The following CCDC191 variants were observed in gnomAD, a reference collection of about 807,000 sequenced individuals.
CCDC191 encodes coiled-coil domain containing 191, also known as coiled-coil domain-containing protein 191.
A neutral mutation model predicts 114.0 loss-of-function variants in CCDC191; 99 were observed. The ratio of observed to expected loss-of-function variants is 0.87; its 90% CI spans 0.74 to 1.03. The LOEUF (loss-of-function observed/expected upper bound fraction) is 1.03. CCDC191 is among the 50% of genes least tolerant of loss of function. The pLI, the probability that CCDC191 is intolerant of heterozygous loss-of-function variation, is 0.00. For missense variants in CCDC191, 973 were observed against 1,087.0 expected, an observed-to-expected ratio of 0.90 and a Z score of 1.47; for synonymous variants, 351 against 376.0, an observed-to-expected ratio of 0.93 and a Z score of 0.77.
intron 6 of CCDC191, among the ~76,000 whole-genome samples, chr3:114,032,241 GAATGGAATCTAGAAT>G (rs1245370787): frequency 3.9e-5 from 6 of 152,104 alleles, no homozygotes; most frequent in African/African-American, 1.4e-4. Context: ...AATAAGGAGG[GAATGGAATCTAGAAT>G]AATTTTAAAA....
intron 15 of CCDC191, 103 bp from the exon 16 acceptor site, chr3:113,978,434 A>G (rs2075014131): frequency 1.7e-6 from 2 of 1,177,340 alleles, no homozygotes; most frequent in Non-Finnish European, 1.2e-6. Context: ...AAAAGAAACA[A>G]ATGACACTAG....
chr3:114,028,939 T>C lies in CCDC191; in HGVS notation c.972+2687A>G, dbSNP rs543811756. Among the ~76,000 whole-genome samples the C allele has an allele frequency of 5.3e-5, 8 of 151,104 alleles. No homozygotes were observed. The South Asian group carries it at 1.7e-3, about 31-fold the overall frequency. ...GTGTGTATATGTATGTTAGTATACA[T>C]ACATACATACACACATATATCTATG... On this transcript the variant is annotated intron_variant, in intron 7 of 16. Coordinates refer to ENST00000295878, the MANE Select transcript of CCDC191 (RefSeq NM_020817.2).
intron 16 of CCDC191, among the ~76,000 whole-genome samples, chr3:113,972,450 T>G (rs543464693): frequency 6.6e-6 from 1 of 152,298 alleles, no homozygotes; most frequent in East Asian, 1.9e-4. Flanking sequence ...CTTGATACAA[T>G]TTCTGTTTTT....
rs187087920 is a variant in CCDC191, at chr3:114,012,446, T to G, written c.1164-1425A>C. ...GATGGTTTTTGTAATAAAAGTATAA[T>G]ATAGGTGGTAATAAACATTTATGTA... On this transcript the variant is annotated intron_variant, in intron 8 of 16. Transcript: ENST00000295878. Among the ~76,000 whole-genome samples, 273 of 152,294 alleles carry G rather than the reference T, an allele frequency of 1.8e-3. 1 individual carries two copies. The highest frequency in any genetic ancestry group is 6.5e-3 in the African/African-American group (269 of 41,556).
At chr3:114,050,769 G>C (rs2076689624) in intron 2 of CCDC191, among the ~76,000 whole-genome samples, 1 of 152,214 alleles carries the variant, frequency 6.6e-6, no homozygotes, top group South Asian at 2.1e-4. Flanking sequence ...AATTTATAGA[G>C]TTTCGTCTGA....
chr3:114,048,869 A>G (rs991524406), intron 2 of CCDC191, among the ~76,000 whole-genome samples: 3 of 152,262 alleles, frequency 2.0e-5, no homozygotes, highest in African/African-American at 7.2e-5. Context: ...ACAGGTGTCC[A>G]ATAAATATTT....
At chr3:114,018,628 G>A in intron 8 of CCDC191, 50 bp downstream of exon 8, 3 of 1,421,604 alleles carry the variant, frequency 2.1e-6, no homozygotes, top group Non-Finnish European at 2.9e-6. Context: ...CTTCAGGAGG[G>A]AAATATCCTA....
chr3:114,002,576 T>TA, intron 11 of CCDC191, 38 bp from the exon 12 acceptor site: 1 of 1,480,218 alleles, frequency 6.8e-7, no homozygotes, highest in East Asian at 2.3e-5. Context: ...TTTTTTATAT[T>TA]GAAAAAATAT....
intron 16 of CCDC191, among the ~76,000 whole-genome samples, chr3:113,968,750 A>G (rs1450620649): frequency 6.6e-6 from 1 of 151,874 alleles, no homozygotes; most frequent in African/African-American, 2.4e-5. Flanking sequence ...GTGAGCCACT[A>G]TAATGGACTT....
chr3:113,979,297 C>T (rs1442404984), intron 14 of CCDC191, among the ~76,000 whole-genome samples: 5 of 152,208 alleles, frequency 3.3e-5, no homozygotes, highest in Non-Finnish European at 7.3e-5. Flanking sequence ...TTCACTTCCC[C>T]TGAGTTTTGG....
intron 8 of CCDC191, 73 bp from the exon 9 acceptor site, chr3:114,011,094 A>C: frequency 6.7e-7 from 1 of 1,485,070 alleles, no homozygotes. Flanking sequence ...TAAATGAAAC[A>C]TAAGTCCAAA....
intron 7 of CCDC191, among the ~76,000 whole-genome samples, chr3:114,021,547 T>C (rs1036358294): frequency 6.6e-6 from 1 of 152,122 alleles, no homozygotes; most frequent in Non-Finnish European, 1.5e-5. Flanking sequence ...CCCATAAATG[T>C]GTTCGAAGAA....
Position 114,005,624 on chromosome 3 carries a change from C to T in CCDC191, c.1752G>A (p.Leu584=), listed in dbSNP as rs1169734900. The T allele has an allele frequency of 6.2e-7, 1 of 1,614,168 alleles. No homozygotes were observed. The highest frequency in any genetic ancestry group is 8.5e-7 in the Non-Finnish European group (1 of 1,180,010). ...CTGCCCACTGAGCCTCTGCCAGCTG[C>T]AGGTTTTTCTTCAGCTCGAGAATTG... ...QKTILELKKN[L]QLAEAQWAAE... Residue 584 remains leucine, a synonymous_variant, in exon 10 of 17, where the codon CTG becomes CTA. Transcript: ENST00000295878.
intron 11 of CCDC191, chr3:114,003,691 A>G (rs1157357428): frequency 9.1e-6 from 9 of 985,488 alleles, no homozygotes; most frequent in Non-Finnish European, 1.1e-5. Flanking sequence ...CAAAGACAGC[A>G]TAAATTGCTG....
chr3:114,032,929 T>G (rs577948232), intron 6 of CCDC191, among the ~76,000 whole-genome samples: 2 of 152,280 alleles, frequency 1.3e-5, no homozygotes, highest in East Asian at 1.9e-4. Context: ...CAATGTTATA[T>G]TACATGGTTA....
At chr3:114,002,277 C>T (rs778473142) in intron 12 of CCDC191, among the ~76,000 whole-genome samples, 179 bp downstream of exon 12, 26 of 152,166 alleles carry the variant, frequency 1.7e-4, no homozygotes, top group Non-Finnish European at 3.7e-4. Flanking sequence ...GTTGATGTTT[C>T]TGTCCCCCTT....
intron 2 of CCDC191, 176 bp from the exon 3 acceptor site, chr3:114,046,908 T>A (rs1307596817): frequency 6.1e-6 from 6 of 975,960 alleles, no homozygotes; most frequent in Non-Finnish European, 7.3e-6. Flanking sequence ...CTGGGAGGTT[T>A]CATATATAAT....
chr3:113,999,056 G>C (rs186293631), intron 13 of CCDC191, among the ~76,000 whole-genome samples: 1 of 152,278 alleles, frequency 6.6e-6, no homozygotes, highest in Admixed American at 6.5e-5. Flanking sequence ...TGCAGGGCTG[G>C]GGAAGGTTCT....
intron 13 of CCDC191, among the ~76,000 whole-genome samples, chr3:113,999,315 G>C (rs1294826057): frequency 6.6e-6 from 1 of 152,124 alleles, no homozygotes; most frequent in Admixed American, 6.5e-5. Context: ...ACTGCAAGTT[G>C]ACTGCTACCT....
Sources: gnomAD v4.1 joint callset for allele counts (sites outside exome capture counted in the v4.1 genomes callset) on GRCh38, gnomAD v4.1.1 for gene constraint, MANE v1.5 for transcripts, NCBI Gene and HGNC (gene_info 2026-07-23, HGNC 2026-07-21) for gene names.